UBAC1: variants seen among roughly 807,000 people sequenced by gnomAD.
UBAC1 encodes the protein ubiquitin-associated domain-containing protein 1.
Under a neutral mutation model 45.9 loss-of-function variants are expected in UBAC1, and 27 were observed. The observed-to-expected ratio is 0.59, with a 90% CI of 0.43 to 0.81. UBAC1 has a LOEUF of 0.81. UBAC1 is among the 30% of genes least tolerant of loss of function. The probability of loss-of-function intolerance (pLI) is 0.00; values close to 1 mark genes in which losing one functional copy is unlikely to be tolerated. For synonymous variants in UBAC1, 227 were observed against 215.5 expected, an observed-to-expected ratio of 1.05 and a Z score of -0.47; for missense variants, 529 against 539.2, an observed-to-expected ratio of 0.98 and a Z score of 0.19.
chr9:135,955,510 G>A (rs1440932037), intron 1 of UBAC1, 95 bp from the exon 2 acceptor site: 2 of 1,314,492 alleles, frequency 1.5e-6, no homozygotes, highest in African/African-American at 3.0e-5. Flanking sequence ...GGAATTTACT[G>A]GGTTTTCTTA....
At chr9:135,938,696 C>A (rs1013644744) in intron 8 of UBAC1, among the ~76,000 whole-genome samples, 12 of 152,216 alleles carry the variant, frequency 7.9e-5, no homozygotes, top group African/African-American at 2.9e-4. Context: ...GTACCAAGTG[C>A]CCAGCTTGCC....
At chr9:135,941,495 C>T (rs1444012606) in intron 7 of UBAC1, among the ~76,000 whole-genome samples, 1 of 152,230 alleles carries the variant, frequency 6.6e-6, no homozygotes, top group African/African-American at 2.4e-5. Context: ...CAACAATGAA[C>T]TCTGGAAGAA....
chr9:135,935,458 C>CA (rs915916810), intron 9 of UBAC1, among the ~76,000 whole-genome samples: 45 of 151,920 alleles, frequency 3.0e-4, no homozygotes, highest in African/African-American at 1.0e-3. Context: ...CTAGCCTGAG[C>CA]AAAAAAACGA....
intron 8 of UBAC1, 132 bp from the exon 9 acceptor site, chr9:135,938,492 G>C (rs1397844453): frequency 2.6e-6 from 3 of 1,175,908 alleles, no homozygotes; most frequent in Non-Finnish European, 2.3e-6. Context: ...GATCTCCCTG[G>C]AAGGGACTCT....
rs1207028949 is a variant in UBAC1, at chr9:135,939,705, G to T, written c.931C>A (p.Leu311Ile). ...TTCTGCTGGTTGTTGTTCACTCTGA[G>T]GGCATCTATCACCTCTTTCTCGTCG... ...GFDEKEVIDA[L>I]RVNNNQQNAA... Residue 311 changes from leucine (L) to isoleucine (I), a missense_variant, in exon 8 of 10, where the codon CTC becomes ATC. Physicochemically the swap from Leu to Ile is conservative, Grantham distance 5. Coordinates refer to ENST00000371756, the MANE Select transcript of UBAC1 (RefSeq NM_016172.3). 1 of 1,613,986 alleles carries T rather than the reference G, an allele frequency of 6.2e-7. No homozygotes were observed. Among genetic ancestry groups the T allele is most frequent in the East Asian group, 2.2e-5 (1 of 44,886 alleles).
At chr9:135,939,786 G>A (rs367824586) in intron 7 of UBAC1, 27 bp from the exon 8 acceptor site, 342 of 1,598,162 alleles carry the variant, frequency 2.1e-4, no homozygotes, top group African/African-American at 1.9e-3. Context: ...CCGTTAGCTC[G>A]CTGGGGGCGG....
intron 9 of UBAC1, among the ~76,000 whole-genome samples, chr9:135,934,211 C>T (rs934622695): frequency 6.6e-6 from 1 of 152,180 alleles, no homozygotes; most frequent in African/African-American, 2.4e-5. Context: ...GGACAGTGCT[C>T]ACTACAGAAT....
chr9:135,952,311 G>A (rs112538743), intron 3 of UBAC1, among the ~76,000 whole-genome samples: 6 of 152,362 alleles, frequency 3.9e-5, no homozygotes, highest in African/African-American at 1.4e-4. Flanking sequence ...CTTTCTCTGG[G>A]GTGAACACTC....
intron 6 of UBAC1, 187 bp downstream of exon 6, chr9:135,945,702 G>A (rs971622848): frequency 1.9e-5 from 11 of 594,236 alleles, no homozygotes; most frequent in African/African-American, 3.7e-5. Flanking sequence ...TTTACACAAC[G>A]ACTGTTCTGT....
At chr9:135,946,827 G>A (rs531279623) in intron 4 of UBAC1, among the ~76,000 whole-genome samples, 1 of 152,268 alleles carries the variant, frequency 6.6e-6, no homozygotes. Context: ...GCCGTGGGAT[G>A]GACCGGAGAT....
intron 7 of UBAC1, among the ~76,000 whole-genome samples, chr9:135,943,770 C>A (rs1425395419): frequency 6.6e-6 from 1 of 152,158 alleles, no homozygotes; most frequent in Non-Finnish European, 1.5e-5. Context: ...GATATATACA[C>A]CATGGAATAC....
chr9:135,958,172 G>A (rs762037918), intron 1 of UBAC1, among the ~76,000 whole-genome samples: 25 of 151,016 alleles, frequency 1.7e-4, no homozygotes, highest in Non-Finnish European at 3.2e-4. Context: ...TCAGCCTCCC[G>A]AGTAGCTGGG....
intron 7 of UBAC1, 132 bp from the exon 8 acceptor site, chr9:135,939,891 TC>T: frequency 1.4e-6 from 1 of 701,658 alleles, no homozygotes; most frequent in Non-Finnish European, 2.5e-6. Context: ...ACGCTGTCCG[TC>T]CACGTTCTTT....
rs542574497 is a variant in UBAC1, at chr9:135,933,144, C to T, written c.*256G>A. The T allele has an allele frequency of 1.3e-4, 59 of 451,858 alleles. No homozygotes were observed. The Middle Eastern group carries it at 2.4e-3, about 19-fold the overall frequency. The allele number at this position is 451,858 out of a possible 1,614,324, so 28.0% of individuals were successfully genotyped here. A position where few individuals can be genotyped will look rare whatever the true frequency, so the allele number is the denominator to read the frequency against. On this transcript the variant is annotated 3_prime_UTR_variant, in exon 10 of 10. Transcript: ENST00000371756. ...CAAGAGCCCAGAGGAGCACTGGAGACGAGGCCATCACTCCACTTCCCAGTG... is the reference window on the plus strand; with the variant it reads ...CAAGAGCCCAGAGGAGCACTGGAGATGAGGCCATCACTCCACTTCCCAGTG...
At chr9:135,933,577 G>C in intron 9 of UBAC1, 62 bp from the exon 10 acceptor site, 1 of 1,239,690 alleles carries the variant, frequency 8.1e-7, no homozygotes, top group South Asian at 1.2e-5. Context: ...AGGCACAGGC[G>C]TGACTTTCCT....
At chr9:135,939,877 G>A (rs1287809882) in intron 7 of UBAC1, 118 bp from the exon 8 acceptor site, 14 of 769,146 alleles carry the variant, frequency 1.8e-5, no homozygotes, top group Non-Finnish European at 2.2e-6. Context: ...CAACAGCACT[G>A]AGGACGCTGT....
At chr9:135,944,972 C>T in intron 7 of UBAC1, 56 bp downstream of exon 7, 1 of 1,526,130 alleles carries the variant, frequency 6.6e-7, no homozygotes, top group Non-Finnish European at 8.9e-7. Flanking sequence ...TTCCATGGCG[C>T]CACCTCAAGG....
In UBAC1 at chr9:135,936,048, A is replaced by G. The variant is rs536656437; in HGVS notation, c.1102+2174T>C. Among the ~76,000 whole-genome samples the G allele has an allele frequency of 2.6e-5, 4 of 151,962 alleles. No homozygotes were observed. The South Asian group carries it at 8.3e-4, about 32-fold the overall frequency. ...CTCAAAAAAAAAAAAAAAAAGAGGA[A>G]TACAAGTTAAAACAATGAAGGTCTT... On this transcript the variant is annotated intron_variant, in intron 9 of 9. Transcript: ENST00000371756.
At chr9:135,934,269 G>C (rs977531213) in intron 9 of UBAC1, among the ~76,000 whole-genome samples, 2 of 152,186 alleles carry the variant, frequency 1.3e-5, no homozygotes, top group Admixed American at 1.3e-4. Context: ...ACAGAGCTCA[G>C]AGTGAACCCA....
Sources: gnomAD v4.1 joint callset for allele counts (sites outside exome capture counted in the v4.1 genomes callset) on GRCh38, gnomAD v4.1.1 for gene constraint, MANE v1.5 for transcripts, NCBI Gene and HGNC (gene_info 2026-07-23, HGNC 2026-07-21) for gene names.